The following ASAP2 variants were observed in gnomAD, a reference collection of about 807,000 sequenced individuals.
ASAP2 encodes the protein ArfGAP with SH3 domain, ankyrin repeat and PH domain 2.
ASAP2 carries 45 observed loss-of-function variants against 131.4 expected under a neutral mutation model. The observed-to-expected ratio is 0.34, with a 90% CI of 0.27 to 0.44. ASAP2 has a LOEUF of 0.44. ASAP2 is among the 20% of genes least tolerant of loss of function. ASAP2 has a pLI of 1.00. For synonymous variants in ASAP2, 510 were observed against 503.0 expected, an observed-to-expected ratio of 1.01 and a Z score of -0.19; for missense variants, 1,011 against 1,297.0, an observed-to-expected ratio of 0.78 and a Z score of 3.39.
chr2:9,393,739 GCTC>G lies in ASAP2; in HGVS notation c.2684+95_2684+97del. 5 of 1,346,858 alleles carry G rather than the reference GCTC, an allele frequency of 3.7e-6. No individual in the cohort carries two copies. The South Asian group carries it at 7.0e-5, about 19-fold the overall frequency. The allele number at this position is 1,346,858 out of a possible 1,614,324, so 83.4% of individuals were successfully genotyped here. A position where few individuals can be genotyped will look rare whatever the true frequency, so the allele number is the denominator to read the frequency against. On this transcript the variant is annotated intron_variant, in intron 24 of 27. Coordinates refer to ENST00000281419, the MANE Select transcript of ASAP2 (RefSeq NM_003887.3). ...TGCAGGAATGTTTGCAATCCCCAGG[GCTC>G]CTACTCCAGCGTGGGCGCCACATAA... is the stretch of plus-strand genomic sequence containing the variant.
chr2:9,293,332 A>G (rs1426774744), intron 2 of ASAP2, among the ~76,000 whole-genome samples: 1 of 152,190 alleles, frequency 6.6e-6, no homozygotes, highest in Non-Finnish European at 1.5e-5. Context: ...TCTGTGACTC[A>G]GATTCTTATT....
intron 3 of ASAP2, among the ~76,000 whole-genome samples, chr2:9,305,206 A>G (rs1668797471): frequency 1.5e-5 from 2 of 137,024 alleles, no homozygotes; most frequent in South Asian, 2.4e-4. Flanking sequence ...TGGAGTAGTG[A>G]GGTATAGATA....
intron 27 of ASAP2, among the ~76,000 whole-genome samples, chr2:9,402,901 G>A (rs1327749176): frequency 6.6e-6 from 1 of 152,184 alleles, no homozygotes; most frequent in Non-Finnish European, 1.5e-5. Flanking sequence ...ACAAACTTGT[G>A]ACACTCAGTT....
In ASAP2 at chr2:9,393,777, C is replaced by T. The variant is rs6758558; in HGVS notation, c.2684+130C>T. ...CGTGGGCGCCACATAACTAATTCAT[C>T]GGGGCTGAAGGGTCTTAAAAATAAC... On this transcript the variant is annotated intron_variant, in intron 24 of 27. Coordinates refer to ENST00000281419, the MANE Select transcript of ASAP2 (RefSeq NM_003887.3). The T allele has an allele frequency of 0.02, 19,787 of 994,670 alleles. 2,143 individuals are homozygous for T. The African/African-American group carries it at 0.27, about 13-fold the overall frequency. The allele number at this position is 994,670 out of a possible 1,614,324, so 61.6% of individuals were successfully genotyped here.
At chr2:9,285,756 C>T (rs1254949018) in intron 2 of ASAP2, among the ~76,000 whole-genome samples, 1 of 152,182 alleles carries the variant, frequency 6.6e-6, no homozygotes, top group Non-Finnish European at 1.5e-5. Context: ...ATTTTCACTT[C>T]TCTAGAATTA....
At position 9,327,947 on chromosome 2, in the gene ASAP2, G is replaced by A. The variant is rs1435510237; in HGVS notation, c.686+36G>A. The A allele has an allele frequency of 2.0e-6, 3 of 1,481,282 alleles. No homozygotes were observed. The South Asian group carries it at 3.9e-5, about 19-fold the overall frequency. The allele number at this position is 1,481,282 out of a possible 1,614,324, so 91.8% of individuals were successfully genotyped here. Reference sequence around the variant, plus strand: ...CTCTGTTATGTTATCTTAAATGTTTGTTCATGTGTGGCAACTTCTGGTAGA... The same window carrying A: ...CTCTGTTATGTTATCTTAAATGTTTATTCATGTGTGGCAACTTCTGGTAGA... On this transcript the variant is annotated intron_variant, in intron 7 of 27. Transcript: ENST00000281419.
At chr2:9,365,470 G>A (rs1673399586) in intron 15 of ASAP2, among the ~76,000 whole-genome samples, 1 of 152,208 alleles carries the variant, frequency 6.6e-6, no homozygotes, top group Non-Finnish European at 1.5e-5. Context: ...CATGAAAACA[G>A]GACAGGAGGT....
chr2:9,318,447 C>T, intron 3 of ASAP2, 77 bp from the exon 4 acceptor site: 1 of 1,070,052 alleles, frequency 9.3e-7, no homozygotes, highest in Non-Finnish European at 1.4e-6. Context: ...CAAATGTTCT[C>T]TCTAATGTCC....
chr2:9,282,279 C>T (rs1335070879), intron 2 of ASAP2, among the ~76,000 whole-genome samples: 7 of 152,112 alleles, frequency 4.6e-5, no homozygotes, highest in African/African-American at 1.7e-4. Context: ...AGTCTGAGTC[C>T]TGAAAAGTCC....
intron 1 of ASAP2, among the ~76,000 whole-genome samples, chr2:9,221,015 C>A (rs1049531170): frequency 6.6e-6 from 1 of 152,088 alleles, no homozygotes; most frequent in Non-Finnish European, 1.5e-5. Flanking sequence ...ATCTTTATGC[C>A]TATCCTTTAT....
chr2:9,213,062 C>CA (rs899454360), intron 1 of ASAP2, among the ~76,000 whole-genome samples: 3 of 152,220 alleles, frequency 2.0e-5, no homozygotes, highest in African/African-American at 7.2e-5. Context: ...CACTGATAAA[C>CA]AGACAGTTAC....
At chr2:9,347,069 GGTC>G (rs1672012710) in intron 11 of ASAP2, among the ~76,000 whole-genome samples, 1 of 97,424 alleles carries the variant, frequency 1.0e-5, no homozygotes. Context: ...CACTTCCAGA[GGTC>G]TCCTCCTGCC....
chr2:9,343,315 T>C (rs1671717869), intron 9 of ASAP2, among the ~76,000 whole-genome samples: 1 of 152,234 alleles, frequency 6.6e-6, no homozygotes, highest in Non-Finnish European at 1.5e-5. Context: ...CCTTTCCTGG[T>C]TGACCTGTGA....
At position 9,330,789 on chromosome 2, in the gene ASAP2, C is replaced by A. The variant is rs184435737; in HGVS notation, c.686+2878C>A. Reference sequence around the variant, plus strand: ...TTCCTTCCCCCGCCCCTTTATTTTGCCCAAACCAGTCAGTTGGGTAGCAAC... The same window carrying A: ...TTCCTTCCCCCGCCCCTTTATTTTGACCAAACCAGTCAGTTGGGTAGCAAC... On this transcript the variant is annotated intron_variant, in intron 7 of 27. Coordinates refer to ENST00000281419, the MANE Select transcript of ASAP2 (RefSeq NM_003887.3). Among the ~76,000 whole-genome samples, 417 of 152,260 alleles carry A rather than the reference C, an allele frequency of 2.7e-3. 2 individuals carry two copies. Among genetic ancestry groups the A allele is most frequent in the African/African-American group, 9.6e-3 (397 of 41,544 alleles).
At chr2:9,314,803 T>A (rs1311504637) in intron 3 of ASAP2, among the ~76,000 whole-genome samples, 1 of 151,382 alleles carries the variant, frequency 6.6e-6, no homozygotes, top group East Asian at 1.9e-4. Flanking sequence ...TGGTTGTGGG[T>A]GCTTGTAATC....
intron 7 of ASAP2, among the ~76,000 whole-genome samples, chr2:9,328,977 A>G (rs1418301193): frequency 6.6e-6 from 1 of 152,122 alleles, no homozygotes; most frequent in Non-Finnish European, 1.5e-5. Context: ...TTGTTTTTCT[A>G]TTTTGTTCCC....
intron 27 of ASAP2, among the ~76,000 whole-genome samples, 195 bp downstream of exon 27, chr2:9,401,591 C>T (rs551488422): frequency 2.0e-5 from 3 of 152,300 alleles, no homozygotes; most frequent in South Asian, 4.1e-4. Context: ...CCTGATTATT[C>T]CCCAGGGTGG....
At chr2:9,291,465 A>G (rs761707204) in intron 2 of ASAP2, among the ~76,000 whole-genome samples, 22 of 152,202 alleles carry the variant, frequency 1.4e-4, no homozygotes, top group Non-Finnish European at 4.4e-5. Context: ...GAGGTCGGAA[A>G]CAGGTGGCAT....
At chr2:9,355,075 A>G (rs1277887298) in intron 12 of ASAP2, among the ~76,000 whole-genome samples, 1 of 152,234 alleles carries the variant, frequency 6.6e-6, no homozygotes, top group East Asian at 1.9e-4. Flanking sequence ...ATCTTAATAC[A>G]GTTATCCAGT....
Sources: gnomAD v4.1 joint callset for allele counts (sites outside exome capture counted in the v4.1 genomes callset) on GRCh38, gnomAD v4.1.1 for gene constraint, MANE v1.5 for transcripts, NCBI Gene and HGNC (gene_info 2026-07-23, HGNC 2026-07-21) for gene names.